LRRC37A2: variants seen among roughly 807,000 people sequenced by gnomAD.
LRRC37A2 encodes the protein leucine-rich repeat-containing protein 37A2.
LRRC37A2 carries 9 observed loss-of-function variants against 68.8 expected under a neutral mutation model. That is an observed-to-expected ratio of 0.13 (90% CI 0.08 to 0.23). LRRC37A2 has a LOEUF of 0.23. Among genes scored for constraint, LRRC37A2 ranks in the 10% least tolerant of loss-of-function variants. LRRC37A2 has a pLI of 1.00. For missense variants in LRRC37A2, 168 were observed against 950.4 expected (o/e 0.18, Z 10.82); for synonymous variants, 63 against 367.6 (o/e 0.17, Z 9.48).
the LRRC37A2 span, among the ~76,000 whole-genome samples, chr17:47,041,481 A>G: frequency 1.1e-5 from 1 of 92,708 alleles, no homozygotes; most frequent in Non-Finnish European, 2.2e-5. Flanking sequence ...TTTTTGAGAC[A>G]GAGTCTCACT....
chr17:46,819,078 G>A, the LRRC37A2 span, among the ~76,000 whole-genome samples: 1 of 152,164 alleles, frequency 6.6e-6, no homozygotes, highest in Non-Finnish European at 1.5e-5. The surrounding 1 kb of genome is among the most constrained non-coding windows in gnomAD (Gnocchi z 5.3). Flanking sequence ...CTTTGCTGGC[G>A]GGGACCGTGA....
the LRRC37A2 span, among the ~76,000 whole-genome samples, chr17:46,791,964 C>T: frequency 1.3e-5 from 2 of 152,088 alleles, no homozygotes; most frequent in Non-Finnish European, 2.9e-5. Flanking sequence ...CGCTTGAGCC[C>T]AGGAGTTTGA....
chr17:46,727,376 A>T, the LRRC37A2 span, among the ~76,000 whole-genome samples: 1 of 152,148 alleles, frequency 6.6e-6, no homozygotes. Flanking sequence ...TGGCTCAGGA[A>T]GGGGTAATAC....
At chr17:46,938,235 A>G in the LRRC37A2 span, among the ~76,000 whole-genome samples, 3 of 151,974 alleles carry the variant, frequency 2.0e-5, no homozygotes, top group Non-Finnish European at 2.9e-5. Context: ...TTTTATGTTT[A>G]ATTCTATGAA....
chr17:46,625,680 CA>C, the LRRC37A2 span, among the ~76,000 whole-genome samples: 28 of 70,126 alleles, frequency 4.0e-4, 1 homozygote, highest in African/African-American at 2.1e-3. Flanking sequence ...GTTCTAGTGG[CA>C]AAAAAAATAC....
the LRRC37A2 span, among the ~76,000 whole-genome samples, chr17:46,725,794 A>C: frequency 1.7e-3 from 264 of 152,264 alleles, 4 homozygotes; most frequent in East Asian, 0.04. Flanking sequence ...CTTACTCATG[A>C]CACTGATGAG....
the LRRC37A2 span, among the ~76,000 whole-genome samples, chr17:47,002,474 TCCGCCTCC>T: frequency 3.3e-5 from 5 of 151,986 alleles, no homozygotes; most frequent in African/African-American, 4.8e-5. Context: ...CACTGCAACC[TCCGCCTCC>T]TGGGTTCAAG....
chr17:46,833,356 G>C, the LRRC37A2 span: 1 of 518,386 alleles, frequency 1.9e-6, no homozygotes, highest in Non-Finnish European at 3.9e-6. Flanking sequence ...ATGAAAGGAC[G>C]GGCAGTTTCT....
chr17:46,760,701 G>A, the LRRC37A2 span, among the ~76,000 whole-genome samples: 6 of 150,166 alleles, frequency 4.0e-5, no homozygotes, highest in Non-Finnish European at 7.4e-5. Context: ...AAGTTCAGTC[G>A]AGCATCCCTA....
chr17:46,887,383 T>C, the LRRC37A2 span, among the ~76,000 whole-genome samples: 6 of 151,308 alleles, frequency 4.0e-5, no homozygotes, highest in African/African-American at 1.5e-4. Flanking sequence ...GTCTTGGGAG[T>C]AGAACTAAGC....
the LRRC37A2 span, among the ~76,000 whole-genome samples, chr17:46,752,735 C>T: frequency 6.6e-6 from 1 of 152,104 alleles, no homozygotes; most frequent in African/African-American, 2.4e-5. Context: ...GGATTACAGG[C>T]ATGCACCACT....
the LRRC37A2 span, among the ~76,000 whole-genome samples, chr17:46,891,943 G>A: frequency 1.0e-5 from 1 of 100,174 alleles, no homozygotes; most frequent in Non-Finnish European, 1.9e-5. Context: ...TTTTTGAGAT[G>A]GAGTCTTGCC....
At chr17:46,982,520 T>G in the LRRC37A2 span, among the ~76,000 whole-genome samples, 18 of 152,244 alleles carry the variant, frequency 1.2e-4, no homozygotes, top group Non-Finnish European at 2.9e-5. Context: ...CTTTGGGTTC[T>G]GCTGGACTGT....
the LRRC37A2 span, chr17:47,019,008 G>A: frequency 1.0e-5 from 15 of 1,485,590 alleles, no homozygotes; most frequent in East Asian, 2.3e-5. Context: ...GTCACCCAGC[G>A]TTACAGTTCA....
chr17:46,852,918 G>A, the LRRC37A2 span, among the ~76,000 whole-genome samples: 4 of 152,138 alleles, frequency 2.6e-5, no homozygotes, highest in Admixed American at 2.0e-4. Flanking sequence ...GTGGAAACAT[G>A]TCTGGGCTGT....
the LRRC37A2 span, among the ~76,000 whole-genome samples, chr17:46,990,519 G>A: frequency 2.0e-5 from 3 of 152,168 alleles, no homozygotes; most frequent in African/African-American, 7.2e-5. Context: ...TAAGACAAGG[G>A]AAGGACATGG....
chr17:46,477,992 AT>A, the LRRC37A2 span, among the ~76,000 whole-genome samples: 64 of 97,660 alleles, frequency 6.6e-4, 17 homozygotes, highest in Admixed American at 1.2e-3. Flanking sequence ...TTCTGCTCGC[AT>A]TTCCCTGTTT....
At chr17:46,924,347 G>A in the LRRC37A2 span, 1 of 152,418 alleles carries the variant, frequency 6.6e-6, no homozygotes, top group African/African-American at 2.4e-5. Flanking sequence ...ACCACATTTT[G>A]TTATCCATTC....
chr17:46,968,946 A>G, the LRRC37A2 span: 1 of 152,592 alleles, frequency 6.6e-6, no homozygotes, highest in East Asian at 1.9e-4. Context: ...TGAGGTTGAA[A>G]AATGATTGTT....
Sources: gnomAD v4.1 joint callset for allele counts (sites outside exome capture counted in the v4.1 genomes callset) on GRCh38, gnomAD v4.1.1 for gene constraint, Gnocchi (gnomAD v3.1) non-coding constraint, MANE v1.5 for transcripts, NCBI Gene and HGNC (gene_info 2026-07-23, HGNC 2026-07-21) for gene names.